CCDC172: variants seen among roughly 807,000 people sequenced by gnomAD.
CCDC172 encodes coiled-coil domain-containing protein 172.
In CCDC172, 30 loss-of-function variants were observed where a neutral mutation model predicts 38.0. The ratio of observed to expected loss-of-function variants is 0.79; its 90% confidence interval spans 0.59 to 1.07. The LOEUF is 1.07. CCDC172 is among the 50% of genes least tolerant of loss of function. CCDC172 has a pLI of 0.00. For synonymous variants in CCDC172, 78 were observed against 88.3 expected (o/e 0.88, Z 0.66); for missense variants, 297 against 290.1 (o/e 1.02, Z -0.17).
chr10:116,356,133 C>G (rs576543676), intron 5 of CCDC172, among the ~76,000 whole-genome samples: 1 of 152,068 alleles, frequency 6.6e-6, no homozygotes, highest in East Asian at 1.9e-4. Flanking sequence ...GAGTTCGAGA[C>G]CAGCCTGACC....
chr10:116,356,819 G>A (rs746802763), intron 5 of CCDC172, among the ~76,000 whole-genome samples: 5 of 152,064 alleles, frequency 3.3e-5, no homozygotes, highest in African/African-American at 4.8e-5. Flanking sequence ...TTTCTTATTT[G>A]GAACTTTATT....
chr10:116,374,881 T>C (rs59895890), intron 7 of CCDC172, among the ~76,000 whole-genome samples: 10,753 of 150,274 alleles, frequency 0.072, 885 homozygotes, highest in African/African-American at 0.21. Flanking sequence ...AATATAAAGA[T>C]GTAGATACGT....
intron 7 of CCDC172, among the ~76,000 whole-genome samples, chr10:116,375,191 C>T (rs1845230646): frequency 6.6e-6 from 1 of 152,034 alleles, no homozygotes; most frequent in Non-Finnish European, 1.5e-5. Flanking sequence ...TAATGGCTTT[C>T]CTTGTTGGGT....
At chr10:116,370,355 C>T (rs548205201) in intron 7 of CCDC172, among the ~76,000 whole-genome samples, 16 of 151,816 alleles carry the variant, frequency 1.1e-4, no homozygotes, top group Non-Finnish European at 1.8e-4. Context: ...TGATCCATTT[C>T]GAGGGTATTC....
intron 1 of CCDC172, 43 bp from the exon 2 acceptor site, chr10:116,324,904 G>T: frequency 2.2e-6 from 2 of 895,160 alleles, no homozygotes; most frequent in South Asian, 1.5e-5. Context: ...GTCTATCTGG[G>T]AATGGTTCTA....
In CCDC172 at chr10:116,357,431, A is replaced by G. The variant is rs748011212; in HGVS notation, c.500A>G (p.Gln167Arg). The part of the protein sequence containing the change: ...DSSQLNELQK[Q>R]KSELIQELFT... ...AGCCAGTTAAATGAACTTCAAAAAC[A>G]AAAGAGTGAATTGATACAAGAATTA... Residue 167 changes from glutamine (Q) to arginine (R), a missense_variant, in exon 6 of 9, where the codon CAA (glutamine) becomes CGA (arginine). Transcript: ENST00000333254. The G allele has an allele frequency of 1.9e-6, 3 of 1,585,504 alleles. No homozygotes were observed. Among genetic ancestry groups the G allele is most frequent in the Non-Finnish European group, 2.6e-6 (3 of 1,168,418 alleles).
At chr10:116,375,453 A>AC (rs1845233858) in intron 7 of CCDC172, among the ~76,000 whole-genome samples, 2 of 27,166 alleles carry the variant, frequency 7.4e-5, no homozygotes, top group Non-Finnish European at 1.5e-4. Flanking sequence ...CTAGCCCCCC[A>AC]CCCCCCGACA....
intron 3 of CCDC172, among the ~76,000 whole-genome samples, chr10:116,334,449 A>G (rs1322145013): frequency 6.6e-6 from 1 of 152,158 alleles, no homozygotes; most frequent in African/African-American, 2.4e-5. Flanking sequence ...TAACATTTTC[A>G]TAGGTTTTCT....
chr10:116,337,022 A>G lies in CCDC172; in HGVS notation c.166-3712A>G, dbSNP rs1361999593. On this transcript the variant is annotated intron_variant, in intron 3 of 8. Transcript: ENST00000333254. ...TTAAAAAATCAAATATCCCAAGAGG[A>G]ATAAAACAAGGAAAGGAAAAACAGT... Among the ~76,000 whole-genome samples, 470 of 152,258 alleles carry G rather than the reference A, an allele frequency of 3.1e-3. 1 individual carries two copies. The highest frequency in any genetic ancestry group is 0.011 in the African/African-American group (456 of 41,538).
intron 6 of CCDC172, 100 bp downstream of exon 6, chr10:116,357,581 A>G: frequency 2.0e-6 from 2 of 1,010,036 alleles, no homozygotes; most frequent in Non-Finnish European, 2.8e-6. Context: ...CTGTTGTGAT[A>G]TAGTGCTATT....
intron 5 of CCDC172, among the ~76,000 whole-genome samples, chr10:116,346,308 AAAAG>A (rs1844866554): frequency 6.6e-6 from 1 of 151,886 alleles, no homozygotes; most frequent in Admixed American, 6.6e-5. Flanking sequence ...AAAAAAAAAA[AAAAG>A]GAAGTAAATG....
At chr10:116,354,672 G>A (rs1844972757) in intron 5 of CCDC172, among the ~76,000 whole-genome samples, 1 of 152,242 alleles carries the variant, frequency 6.6e-6, no homozygotes, top group Admixed American at 6.5e-5. Context: ...GGAGGTTGCA[G>A]TGAGCTGAGA....
chr10:116,358,018 T>C (rs1845020674), intron 7 of CCDC172, 80 bp downstream of exon 7: 1 of 718,354 alleles, frequency 1.4e-6, no homozygotes, highest in Non-Finnish European at 2.4e-6. Flanking sequence ...GCTAAGTGCA[T>C]CAATTATTAA....
intron 5 of CCDC172, among the ~76,000 whole-genome samples, chr10:116,344,308 A>T (rs1844837113): frequency 6.6e-6 from 1 of 152,338 alleles, no homozygotes; most frequent in South Asian, 2.1e-4. Context: ...TGGATGGGAT[A>T]ACCTATTACA....
intron 5 of CCDC172, among the ~76,000 whole-genome samples, chr10:116,355,424 G>T (rs1844984368): frequency 6.6e-6 from 1 of 152,132 alleles, no homozygotes; most frequent in Non-Finnish European, 1.5e-5. Context: ...TAGTGAGTGT[G>T]AGTACACTTG....
intron 3 of CCDC172, among the ~76,000 whole-genome samples, chr10:116,328,034 A>G (rs867466247): frequency 2.6e-5 from 4 of 152,118 alleles, no homozygotes; most frequent in African/African-American, 7.2e-5. Context: ...TGCTTGAGCT[A>G]TTGTACAGTC....
intron 3 of CCDC172, among the ~76,000 whole-genome samples, chr10:116,328,945 T>G (rs1844623559): frequency 6.6e-6 from 1 of 152,162 alleles, no homozygotes; most frequent in African/African-American, 2.4e-5. Context: ...AAAATTTAGA[T>G]CCTACCAATA....
intron 3 of CCDC172, among the ~76,000 whole-genome samples, chr10:116,330,155 C>G (rs1268671964): frequency 3.9e-5 from 6 of 152,140 alleles, no homozygotes. Flanking sequence ...AATGTCAAGG[C>G]AAACATCTGA....
At chr10:116,369,656 T>A (rs1157159784) in intron 7 of CCDC172, among the ~76,000 whole-genome samples, 1 of 152,058 alleles carries the variant, frequency 6.6e-6, no homozygotes, top group South Asian at 2.1e-4. Flanking sequence ...TATTTTGTGA[T>A]TACAAATAAT....
Sources: allele counts gnomAD v4.1 joint callset (sites outside exome capture counted in the v4.1 genomes callset), GRCh38; gene constraint gnomAD v4.1.1; transcripts MANE v1.5; gene names NCBI Gene and HGNC (gene_info 2026-07-23, HGNC 2026-07-21).